The following MTR variants were observed in gnomAD, a reference collection of about 807,000 sequenced individuals.
The protein encoded by MTR is 5-methyltetrahydrofolate-homocysteine methyltransferase, also known as methionine synthase.
In MTR, 84 loss-of-function variants were observed where a neutral mutation model predicts 154.8. The observed-to-expected ratio is 0.54, with a 90% CI of 0.45 to 0.65. The LOEUF (loss-of-function observed/expected upper bound fraction) is 0.65, where lower values mean the gene tolerates loss of function less well. MTR is among the 30% of genes least tolerant of loss of function. The pLI is 0.00. For missense variants in MTR, 1,275 were observed against 1,570.2 expected (o/e 0.81, Z 3.18); for synonymous variants, 554 against 553.9 (o/e 1.00, Z 0.00).
At chr1:236,882,291 CTT>C (rs1665779210) in intron 25 of MTR, among the ~76,000 whole-genome samples, 1 of 152,064 alleles carries the variant, frequency 6.6e-6, no homozygotes, top group South Asian at 2.1e-4. Context: ...AGAGGCAAGA[CTT>C]TTGGATCCAT....
chr1:236,833,455 A>G (rs1662731374), intron 13 of MTR, among the ~76,000 whole-genome samples: 1 of 152,156 alleles, frequency 6.6e-6, no homozygotes, highest in African/African-American at 2.4e-5. Flanking sequence ...GGTTATCCCC[A>G]TTTTACAGGT....
rs765580170 is a variant in MTR, at chr1:236,835,682, G to C, written c.1324G>C (p.Ala442Pro). 1.2e-6 allele frequency: 2 copies of C among 1,612,524 alleles called. No homozygotes were observed. ...CTTAATTGCTTCCGAGCCAGACATCGCAAAGGTTATACAAAGTTTATGTTT... is the reference window on the plus strand; with the variant it reads ...CTTAATTGCTTCCGAGCCAGACATCCCAAAGGTTATACAAAGTTTATGTTT... ...CNLIASEPDI[A>P]KVPLCIDSSN... The change falls in exon 14 of 33, where the codon GCA becomes CCA. Residue 442 changes from alanine to proline, a missense_variant. Ala to Pro is a conservative substitution (Grantham distance 27). Transcript: ENST00000366577.
chr1:236,899,045 A>T lies in MTR; in HGVS notation c.*1401A>T, dbSNP rs1235382983. ...TTTGATTCGAAGGATGAAGACGAAG[A>T]AGCAAGGGAGGAACAAATGAAGAAC... On this transcript the variant is annotated 3_prime_UTR_variant, in exon 33 of 33. Transcript: ENST00000366577. 2 of 152,196 alleles carry T rather than the reference A, an allele frequency of 1.3e-5. No individual in the cohort carries two copies. Among genetic ancestry groups the T allele is most frequent in the East Asian group, 1.9e-4 (1 of 5,196 alleles). The allele number at this position is 152,196 out of a possible 1,614,324, so 9.4% of individuals were successfully genotyped here.
Position 236,874,739 on chromosome 1 carries a change from G to A in MTR, c.2487G>A (p.Leu829=). ...AAAAAAAAATAGATATAATTGGCCTGTCAGGACTCATCACTCCTTCCCTGG... is the reference window on the plus strand; with the variant it reads ...AAAAAAAAATAGATATAATTGGCCTATCAGGACTCATCACTCCTTCCCTGG... ...ALDHKADIIG[L]SGLITPSLDE... is the part of the protein sequence containing the mutation. The change falls in exon 24 of 33, where the codon CTG becomes CTA. Residue 829 remains leucine (L), a synonymous_variant. Transcript: ENST00000366577. 1 of 1,604,018 alleles carries A rather than the reference G, an allele frequency of 6.2e-7. No homozygotes were observed. Among genetic ancestry groups the A allele is most frequent in the Non-Finnish European group, 8.5e-7 (1 of 1,173,928 alleles).
intron 22 of MTR, among the ~76,000 whole-genome samples, chr1:236,864,108 C>A (rs1163767344): frequency 6.6e-6 from 1 of 152,152 alleles, no homozygotes; most frequent in Non-Finnish European, 1.5e-5. Flanking sequence ...AATAAATATT[C>A]ATAACAAAAT....
At chr1:236,824,286 AAG>A in intron 9 of MTR, 67 bp downstream of exon 9, 1 of 1,276,666 alleles carries the variant, frequency 7.8e-7, no homozygotes, top group East Asian at 2.3e-5. Flanking sequence ...TAGATGAGGT[AAG>A]AGATCTTGAA....
At chr1:236,849,436 G>GT (rs1167613048) in intron 15 of MTR, among the ~76,000 whole-genome samples, 3 of 152,200 alleles carry the variant, frequency 2.0e-5, no homozygotes, top group Non-Finnish European at 4.4e-5. Flanking sequence ...GAAGTGGCTG[G>GT]TTTAGAGAGG....
At chr1:236,814,993 T>TA (rs763431951) in intron 6 of MTR, among the ~76,000 whole-genome samples, 28 of 152,304 alleles carry the variant, frequency 1.8e-4, no homozygotes, top group Admixed American at 5.9e-4. Context: ...AATATAATGA[T>TA]AAAAAAGAAG....
At position 236,866,440 on chromosome 1, in the gene MTR, C is replaced by T. The variant is rs140795701; in HGVS notation, c.2405+2886C>T. ...CATTCCCCATCTCTCTCCCTTTCCT[C>T]GGGCCTCCATAGTCCCTGAGACACA... is the stretch of plus-strand genomic sequence containing the variant. On this transcript the variant is annotated intron_variant, in intron 22 of 32. Transcript: ENST00000366577. 1.9e-3 allele frequency among the ~76,000 whole-genome samples: 294 copies of T among 152,236 alleles called. 1 individual carries two copies. The highest frequency in any genetic ancestry group is 6.8e-3 in the African/African-American group (284 of 41,550).
chr1:236,894,318 A>G, intron 29 of MTR, 39 bp from the exon 30 acceptor site: 2 of 1,606,238 alleles, frequency 1.2e-6, no homozygotes, highest in Non-Finnish European at 1.7e-6. Context: ...GTTCTTGCTA[A>G]CGGCGCCCCC....
intron 1 of MTR, among the ~76,000 whole-genome samples, chr1:236,799,272 C>T (rs1188826317): frequency 1.3e-5 from 2 of 151,950 alleles, no homozygotes; most frequent in Non-Finnish European, 2.9e-5. Context: ...CAGGTGCATA[C>T]TACCAGGCTT....
At chr1:236,866,408 A>G (rs1664826666) in intron 22 of MTR, among the ~76,000 whole-genome samples, 1 of 152,172 alleles carries the variant, frequency 6.6e-6, no homozygotes, top group Admixed American at 6.5e-5. Context: ...CTGTTCCACT[A>G]ACCAGCCATT....
intron 24 of MTR, among the ~76,000 whole-genome samples, chr1:236,875,709 C>T (rs1665394129): frequency 6.6e-6 from 1 of 151,976 alleles, no homozygotes; most frequent in East Asian, 1.9e-4. Context: ...ATAGGTATGC[C>T]ACAATAAAGG....
chr1:236,811,754 C>G lies in MTR; in HGVS notation c.503-984C>G, dbSNP rs79026864. On this transcript the variant is annotated intron_variant, in intron 5 of 32. Transcript: ENST00000366577. ...GGTTTTTGAAAACTGCATCTTTAAG[C>G]AAAATGATGCATAGCAGGCCCTCAA... 7.6e-3 allele frequency: 3,443 copies of G among 453,860 alleles called. 107 individuals carry two copies. Among genetic ancestry groups the G allele is most frequent in the African/African-American group, 0.063 (3,162 of 50,116 alleles). The allele number at this position is 453,860 out of a possible 1,614,324, so 28.1% of individuals were successfully genotyped here.
chr1:236,877,031 A>C (rs1665473152), intron 24 of MTR, among the ~76,000 whole-genome samples: 1 of 152,164 alleles, frequency 6.6e-6, no homozygotes, highest in African/African-American at 2.4e-5. Context: ...AGTTTCTGGG[A>C]AATTACTTGG....
chr1:236,890,746 G>A (rs1197403244), intron 28 of MTR, among the ~76,000 whole-genome samples: 3 of 152,218 alleles, frequency 2.0e-5, no homozygotes, highest in African/African-American at 7.2e-5. Flanking sequence ...GGCACAGGTC[G>A]CGTCTCCCAG....
intron 24 of MTR, among the ~76,000 whole-genome samples, chr1:236,876,589 C>T (rs1665446007): frequency 6.6e-6 from 1 of 152,000 alleles, no homozygotes; most frequent in Non-Finnish European, 1.5e-5. Flanking sequence ...ATGATGCTGG[C>T]TTCAAAAAAA....
chr1:236,857,095 G>A (rs1414503341), intron 18 of MTR, among the ~76,000 whole-genome samples: 1 of 152,162 alleles, frequency 6.6e-6, no homozygotes, highest in African/African-American at 2.4e-5. Flanking sequence ...AGATCCTTGA[G>A]GAATCGCTGC....
intron 5 of MTR, 127 bp from the exon 6 acceptor site, chr1:236,812,611 C>T: frequency 1.3e-6 from 1 of 785,212 alleles, no homozygotes; most frequent in Non-Finnish European, 2.3e-6. Context: ...TACAAAAGAT[C>T]ATGTTCTTAA....
Sources: allele counts gnomAD v4.1 joint callset (sites outside exome capture counted in the v4.1 genomes callset), GRCh38; gene constraint gnomAD v4.1.1; transcripts MANE v1.5; gene names NCBI Gene and HGNC (gene_info 2026-07-23, HGNC 2026-07-21).